The following SNX29 variants were observed in gnomAD, a reference collection of about 807,000 sequenced individuals.
SNX29 encodes the protein sorting nexin-29.
Under a neutral mutation model 102.1 loss-of-function variants are expected in SNX29, and 78 were observed. The ratio of observed to expected loss-of-function variants is 0.76; its 90% CI spans 0.64 to 0.92. SNX29 has a LOEUF of 0.92. Ranked by LOEUF, SNX29 falls within the 40% of genes least tolerant of loss-of-function variation. The probability of loss-of-function intolerance (pLI) is 0.00; values close to 1 mark genes in which losing one functional copy is unlikely to be tolerated. For missense variants in SNX29, 1,280 were observed against 1,061.7 expected (o/e 1.21, Z -2.86); for synonymous variants, 580 against 414.5 (o/e 1.40, Z -4.85).
chr16:12,532,460 G>GCAAA (rs1408727937), intron 20 of SNX29, among the ~76,000 whole-genome samples: 2 of 152,166 alleles, frequency 1.3e-5, no homozygotes, highest in Admixed American at 1.3e-4. Flanking sequence ...ATATTATTAA[G>GCAAA]CAAACAGTTT....
intron 13 of SNX29, among the ~76,000 whole-genome samples, chr16:12,174,486 T>C (rs2141779530): frequency 6.6e-6 from 1 of 152,270 alleles, no homozygotes; most frequent in South Asian, 2.1e-4. Context: ...CCATTTGAGC[T>C]CTGGGCAGAT....
chr16:12,295,419 T>C lies in SNX29; in HGVS notation c.1782+17383T>C, dbSNP rs1303757746. On this transcript the variant is annotated intron_variant, in intron 15 of 20. Coordinates refer to ENST00000566228, the MANE Select transcript of SNX29 (RefSeq NM_032167.5). ...GCCAAGTCGCCCACCACTTTCTTAG[T>C]TTTGTTTTTGAGAAAACAACTCTCA... Among the ~76,000 whole-genome samples the C allele has an allele frequency of 3.3e-5, 5 of 152,254 alleles. No individual in the cohort carries two copies. The East Asian group carries it at 9.6e-4, about 29-fold the overall frequency.
At chr16:12,544,351 G>A (rs541991342) in intron 20 of SNX29, among the ~76,000 whole-genome samples, 1 of 152,244 alleles carries the variant, frequency 6.6e-6, no homozygotes, top group Non-Finnish European at 1.5e-5. Context: ...AGTACTGTTG[G>A]AAAGGAGAAG....
intron 12 of SNX29, among the ~76,000 whole-genome samples, chr16:12,128,065 T>A (rs2054294972): frequency 6.6e-6 from 1 of 152,174 alleles, no homozygotes; most frequent in South Asian, 2.1e-4. Context: ...CTCTTGTCCT[T>A]TCTGGAAACA....
chr16:12,563,804 C>T (rs935498028), intron 20 of SNX29, among the ~76,000 whole-genome samples: 1 of 152,228 alleles, frequency 6.6e-6, no homozygotes, highest in Non-Finnish European at 1.5e-5. Context: ...AACACCCACC[C>T]ATTTGCTGCT....
At chr16:12,456,770 G>GGAGA (rs2151736840) in intron 18 of SNX29, among the ~76,000 whole-genome samples, 1 of 152,286 alleles carries the variant, frequency 6.6e-6, no homozygotes, top group South Asian at 2.1e-4. Flanking sequence ...CTCCTTTCAG[G>GGAGA]GAGAGGATGC....
intron 3 of SNX29, among the ~76,000 whole-genome samples, chr16:12,021,723 A>G (rs1039087916): frequency 5.9e-5 from 9 of 151,980 alleles, no homozygotes; most frequent in Non-Finnish European, 1.0e-4. Context: ...CCCTGGCTCT[A>G]CTAAAAATAC....
intron 19 of SNX29, among the ~76,000 whole-genome samples, chr16:12,478,319 G>A (rs1032447445): frequency 6.6e-6 from 1 of 152,208 alleles, no homozygotes; most frequent in Admixed American, 6.5e-5. Context: ...ACCAAAAAAT[G>A]CTTTTCTAGT....
At chr16:12,371,285 C>CCCTCTTTCCTTCCTTT (rs1437322235) in intron 16 of SNX29, among the ~76,000 whole-genome samples, 2 of 152,120 alleles carry the variant, frequency 1.3e-5, no homozygotes, top group African/African-American at 2.4e-5. Flanking sequence ...TCCCTTCCTT[C>CCCTCTTTCCTTCCTTT]CCTCTTTCCT....
At chr16:12,026,671 C>CT (rs2057198834) in intron 3 of SNX29, among the ~76,000 whole-genome samples, 1 of 152,206 alleles carries the variant, frequency 6.6e-6, no homozygotes, top group Non-Finnish European at 1.5e-5. Flanking sequence ...AACTCACAAT[C>CT]TGAGTTCACA....
intron 13 of SNX29, among the ~76,000 whole-genome samples, chr16:12,191,623 T>C (rs2076644860): frequency 6.6e-6 from 1 of 152,196 alleles, no homozygotes; most frequent in Admixed American, 6.5e-5. Context: ...AGCAACAGGC[T>C]AAAGGAGTTC....
intron 20 of SNX29, among the ~76,000 whole-genome samples, chr16:12,537,305 G>C (rs16959847): frequency 1.3e-5 from 2 of 152,214 alleles, no homozygotes. Context: ...TTGGATTTTA[G>C]TATAGTGGCT....
At chr16:12,525,708 C>CA (rs1321394533) in intron 20 of SNX29, among the ~76,000 whole-genome samples, 2 of 129,216 alleles carry the variant, frequency 1.5e-5, no homozygotes, top group African/African-American at 5.8e-5. Flanking sequence ...ACCCCCCCCC[C>CA]CAAAAAAAAG....
chr16:12,404,414 C>A (rs1240086318), intron 18 of SNX29, among the ~76,000 whole-genome samples: 1 of 152,098 alleles, frequency 6.6e-6, no homozygotes, highest in Admixed American at 6.5e-5. Context: ...TCCTTCTCCT[C>A]CTCTCTCTTA....
chr16:12,185,643 A>T (rs1465108712), intron 13 of SNX29, among the ~76,000 whole-genome samples: 6 of 152,176 alleles, frequency 3.9e-5, no homozygotes, highest in Non-Finnish European at 7.3e-5. Context: ...TCCTTACTGC[A>T]TTCGCAGTCC....
At chr16:12,395,816 G>T (rs1450513836) in intron 16 of SNX29, among the ~76,000 whole-genome samples, 1 of 147,556 alleles carries the variant, frequency 6.8e-6, no homozygotes, top group Non-Finnish European at 1.5e-5. Flanking sequence ...AATAGAATCA[G>T]CTCTCTAAAG....
At chr16:12,362,553 T>TCC (rs1199911670) in intron 16 of SNX29, among the ~76,000 whole-genome samples, 777 of 10,960 alleles carry the variant, frequency 0.071, 137 homozygotes, top group Non-Finnish European at 0.11. Flanking sequence ...GCTGCTGCAC[T>TCC]CCCCCCCCAC....
chr16:12,066,172 C>G (rs562198841), intron 9 of SNX29, among the ~76,000 whole-genome samples: 22 of 152,332 alleles, frequency 1.4e-4, no homozygotes, highest in East Asian at 3.9e-4. Flanking sequence ...TGTTGAGTCC[C>G]TGTCTTTGCT....
intron 19 of SNX29, among the ~76,000 whole-genome samples, chr16:12,495,057 T>G (rs2088749534): frequency 6.6e-6 from 1 of 152,248 alleles, no homozygotes; most frequent in African/African-American, 2.4e-5. Flanking sequence ...AAGCTCTTTC[T>G]TGCCTCAGGA....
Sources: gnomAD v4.1 joint callset for allele counts (sites outside exome capture counted in the v4.1 genomes callset) on GRCh38, gnomAD v4.1.1 for gene constraint, MANE v1.5 for transcripts, NCBI Gene and HGNC (gene_info 2026-07-23, HGNC 2026-07-21) for gene names.